ZNF385D: variants seen among roughly 807,000 people sequenced by gnomAD.
The protein encoded by ZNF385D is zinc finger protein 385D.
Under a neutral mutation model 35.8 loss-of-function variants are expected in ZNF385D, and 15 were observed. The observed-to-expected ratio is 0.42, with a 90% CI of 0.28 to 0.64. The LOEUF (loss-of-function observed/expected upper bound fraction) is 0.64, where lower values mean the gene tolerates loss of function less well. Ranked by LOEUF, ZNF385D falls within the 30% of genes least tolerant of loss-of-function variation. The probability of loss-of-function intolerance (pLI) is 0.23; values close to 1 mark genes in which losing one functional copy is unlikely to be tolerated. For missense variants in ZNF385D, 474 were observed against 494.6 expected (o/e 0.96, Z 0.39); for synonymous variants, 212 against 186.8 (o/e 1.13, Z -1.10).
At chr3:22,197,111 GTTTTCC>G (rs1696472341) in intron 2 of ZNF385D, among the ~76,000 whole-genome samples, 1 of 151,802 alleles carries the variant, frequency 6.6e-6, no homozygotes, top group South Asian at 2.1e-4. Context: ...CTGATGTTTT[GTTTTCC>G]TTTTGTCTTT....
At chr3:22,193,305 C>T (rs1696184673) in intron 2 of ZNF385D, among the ~76,000 whole-genome samples, 2 of 151,886 alleles carry the variant, frequency 1.3e-5, no homozygotes, top group Non-Finnish European at 2.9e-5. Flanking sequence ...AATATTGAGG[C>T]AGTAATTTGA....
intron 3 of ZNF385D, among the ~76,000 whole-genome samples, chr3:21,564,155 C>T (rs1216506269): frequency 6.6e-6 from 1 of 152,006 alleles, no homozygotes; most frequent in Admixed American, 6.6e-5. Context: ...TTGAGGCCTC[C>T]ATTCCAGGCA....
chr3:22,097,131 T>C (rs900831281), intron 3 of ZNF385D, among the ~76,000 whole-genome samples: 1 of 152,142 alleles, frequency 6.6e-6, no homozygotes, highest in African/African-American at 2.4e-5. Flanking sequence ...CCAGTGACTC[T>C]GAATGAACAG....
intron 3 of ZNF385D, among the ~76,000 whole-genome samples, chr3:22,168,333 A>T (rs1301347647): frequency 6.6e-6 from 1 of 152,226 alleles, no homozygotes; most frequent in Non-Finnish European, 1.5e-5. Context: ...AATAAACCAT[A>T]AATTTTCACT....
At chr3:22,276,858 C>A (rs1303068042) in intron 2 of ZNF385D, among the ~76,000 whole-genome samples, 1 of 152,024 alleles carries the variant, frequency 6.6e-6, no homozygotes, top group African/African-American at 2.4e-5. Flanking sequence ...ATTTTAGTTT[C>A]TTTTCCTGTT....
chr3:21,776,343 T>C (rs757377285), intron 3 of ZNF385D, among the ~76,000 whole-genome samples: 13 of 152,044 alleles, frequency 8.6e-5, no homozygotes, highest in Non-Finnish European at 1.3e-4. Context: ...TACTGTTCAA[T>C]TGCTCTCTCA....
At chr3:22,239,420 T>C (rs10510526) in intron 2 of ZNF385D, among the ~76,000 whole-genome samples, 49,479 of 150,558 alleles carry the variant, frequency 0.33, 9,236 homozygotes, top group African/African-American at 0.37. Flanking sequence ...AGCCAAAATC[T>C]GAAATAGTGA....
chr3:21,828,766 G>T (rs1694813770), intron 3 of ZNF385D, among the ~76,000 whole-genome samples: 1 of 150,352 alleles, frequency 6.7e-6, no homozygotes, highest in Non-Finnish European at 1.5e-5. Context: ...TAGTTTTACT[G>T]CACTGAATTC....
intron 1 of ZNF385D, among the ~76,000 whole-genome samples, chr3:21,709,500 C>CAAAAG (rs1021860277): frequency 6.6e-6 from 1 of 151,770 alleles, no homozygotes; most frequent in African/African-American, 2.4e-5. Context: ...CAAAACAAAA[C>CAAAAG]AAAACAAAAC....
chr3:21,503,287 T>C (rs1336625311), intron 4 of ZNF385D, among the ~76,000 whole-genome samples: 2 of 152,194 alleles, frequency 1.3e-5, no homozygotes, highest in African/African-American at 4.8e-5. Flanking sequence ...ATATCCTATA[T>C]ACAAACATAT....
intron 2 of ZNF385D, among the ~76,000 whole-genome samples, chr3:22,281,360 T>C (rs947921648): frequency 2.6e-5 from 4 of 152,106 alleles, no homozygotes; most frequent in Non-Finnish European, 5.9e-5. Flanking sequence ...CAGTATAATG[T>C]GGGCTATGGG....
At chr3:22,184,521 T>A (rs1332360602) in intron 2 of ZNF385D, among the ~76,000 whole-genome samples, 1 of 152,064 alleles carries the variant, frequency 6.6e-6, no homozygotes, top group Non-Finnish European at 1.5e-5. Flanking sequence ...TTGATGGTAC[T>A]AGATTCAAGG....
intron 3 of ZNF385D, among the ~76,000 whole-genome samples, chr3:21,951,525 A>G (rs500881): frequency 0.26 from 39,794 of 151,364 alleles, 6,284 homozygotes; most frequent in Admixed American, 0.41. Context: ...CATTCTTCCT[A>G]TTTGAATACC....
chr3:21,776,266 C>T lies in ZNF385D; in HGVS notation c.326-111238G>A, dbSNP rs537926498. Reference sequence around the variant, plus strand: ...TTTTGTGCTTATTACTTATTGTTTCCTTGGATAAAGCCTTGAAATGTAATA... The same window carrying T: ...TTTTGTGCTTATTACTTATTGTTTCTTTGGATAAAGCCTTGAAATGTAATA... On this transcript the variant is annotated intron_variant, in intron 3 of 5. Coordinates refer to the ZNF385D transcript ENST00000494108. 3.3e-5 allele frequency among the ~76,000 whole-genome samples: 5 copies of T among 151,884 alleles called. No individual in the cohort carries two copies. In the South Asian group the frequency reaches 1.0e-3, roughly 31 times the overall value.
chr3:22,351,254 A>G (rs1159581756), intron 2 of ZNF385D, among the ~76,000 whole-genome samples: 2 of 152,146 alleles, frequency 1.3e-5, no homozygotes, highest in African/African-American at 4.8e-5. Flanking sequence ...AATATGCTGC[A>G]TTCTAATGTC....
chr3:22,000,073 A>T lies in ZNF385D; in HGVS notation c.325+168744T>A, dbSNP rs570822357. Among the ~76,000 whole-genome samples, 11 of 152,232 alleles carry T rather than the reference A, an allele frequency of 7.2e-5. No homozygotes were observed. In the South Asian group the frequency reaches 2.3e-3, roughly 32 times the overall value. On this transcript the variant is annotated intron_variant, in intron 3 of 5. Transcript: ENST00000494108. ...GTAATTCCAGCACTTTGGGAGGCCG[A>T]GGCGGGCAGATCATGAGCTCAGGAG...
intron 3 of ZNF385D, among the ~76,000 whole-genome samples, chr3:21,996,693 T>A (rs746736591): frequency 2.6e-5 from 4 of 152,202 alleles, no homozygotes; most frequent in Non-Finnish European, 5.9e-5. Flanking sequence ...CACTTCTCAT[T>A]CAAAAGTATT....
At chr3:21,479,414 A>ATTTAC (rs931369088) in intron 4 of ZNF385D, among the ~76,000 whole-genome samples, 89 of 152,240 alleles carry the variant, frequency 5.8e-4, no homozygotes, top group Middle Eastern at 3.4e-3. Flanking sequence ...AAAGTACTCT[A>ATTTAC]TTAATTTATT....
At chr3:22,347,141 T>A (rs1695695073) in intron 2 of ZNF385D, among the ~76,000 whole-genome samples, 1 of 152,178 alleles carries the variant, frequency 6.6e-6, no homozygotes, top group South Asian at 2.1e-4. Flanking sequence ...TCATTACCCT[T>A]TACAAAAAAA....
Sources: allele counts gnomAD v4.1 joint callset (sites outside exome capture counted in the v4.1 genomes callset), GRCh38; gene constraint gnomAD v4.1.1; transcripts MANE v1.5; gene names NCBI Gene and HGNC (gene_info 2026-07-23, HGNC 2026-07-21).